The following ARMH4 variants were observed in gnomAD, a reference collection of about 807,000 sequenced individuals.
ARMH4 encodes the protein armadillo like helical domain containing 4.
A neutral mutation model predicts 61.9 loss-of-function variants in ARMH4; 49 were observed. That is an observed-to-expected ratio of 0.79 (90% CI 0.63 to 1.00). The LOEUF is 1.00. Among genes scored for constraint, ARMH4 ranks in the 50% least tolerant of loss-of-function variants. The pLI is 0.00. For synonymous variants in ARMH4, 368 were observed against 341.5 expected (o/e 1.08, Z -0.85); for missense variants, 934 against 930.0 (o/e 1.00, Z -0.06).
intron 1 of ARMH4, among the ~76,000 whole-genome samples, chr14:58,144,760 C>T (rs1196864977): frequency 6.6e-6 from 1 of 151,830 alleles, no homozygotes; most frequent in African/African-American, 2.4e-5. Flanking sequence ...CCCAGCTACT[C>T]GGGAGGCTGA....
chr14:58,078,305 C>T (rs1431137109), intron 5 of ARMH4, among the ~76,000 whole-genome samples: 1 of 152,214 alleles, frequency 6.6e-6, no homozygotes, highest in Non-Finnish European at 1.5e-5. Context: ...ATATCCCACA[C>T]ATGCCAAGAC....
intron 5 of ARMH4, among the ~76,000 whole-genome samples, chr14:58,026,201 G>A (rs900316492): frequency 2.0e-5 from 3 of 152,010 alleles, no homozygotes; most frequent in African/African-American, 4.8e-5. Flanking sequence ...ACACATAAAT[G>A]AGGAAGAAAG....
chr14:58,123,982 T>C (rs1213974546), intron 4 of ARMH4, among the ~76,000 whole-genome samples: 3 of 152,164 alleles, frequency 2.0e-5, no homozygotes, highest in African/African-American at 7.2e-5. Flanking sequence ...TACTTAGGGC[T>C]AAAATTATCC....
intron 5 of ARMH4, among the ~76,000 whole-genome samples, chr14:58,015,274 G>C (rs903216551): frequency 3.3e-5 from 5 of 152,218 alleles, no homozygotes; most frequent in African/African-American, 1.2e-4. Context: ...GAAGGAGCAT[G>C]TTCCATTGAT....
intron 5 of ARMH4, among the ~76,000 whole-genome samples, chr14:58,083,147 T>C (rs1885280321): frequency 6.6e-6 from 1 of 152,118 alleles, no homozygotes; most frequent in African/African-American, 2.4e-5. Context: ...GACTTTAGAG[T>C]TGTTTGTTAT....
At chr14:58,118,872 T>C (rs537598964) in intron 4 of ARMH4, among the ~76,000 whole-genome samples, 7 of 152,314 alleles carry the variant, frequency 4.6e-5, no homozygotes, top group Non-Finnish European at 1.0e-4. Context: ...AGAGTTTTAA[T>C]AGGAAACAGG....
intron 5 of ARMH4, among the ~76,000 whole-genome samples, chr14:58,021,679 G>A (rs954160883): frequency 3.3e-5 from 5 of 152,100 alleles, no homozygotes; most frequent in African/African-American, 1.2e-4. Flanking sequence ...TCATAATCCT[G>A]GTTCCCCAAC....
intron 4 of ARMH4, among the ~76,000 whole-genome samples, chr14:58,121,421 A>T (rs1013134147): frequency 6.6e-6 from 1 of 152,264 alleles, no homozygotes; most frequent in South Asian, 2.1e-4. Context: ...AATTGCAATT[A>T]TACCAATAAA....
At chr14:58,080,727 GAC>G (rs1321271057) in intron 5 of ARMH4, among the ~76,000 whole-genome samples, 2 of 152,046 alleles carry the variant, frequency 1.3e-5, no homozygotes, top group African/African-American at 4.8e-5. Flanking sequence ...TATATTGTGT[GAC>G]AGTGAGGTTG....
chr14:58,116,168 A>C (rs1031481434), intron 4 of ARMH4: 3 of 153,082 alleles, frequency 2.0e-5, no homozygotes, highest in Non-Finnish European at 4.4e-5. Flanking sequence ...TTATTAATCT[A>C]TAAAAATTTC....
chr14:58,008,803 T>C lies in ARMH4; in HGVS notation c.2121+3316A>G, dbSNP rs572719283. Among the ~76,000 whole-genome samples the C allele has an allele frequency of 3.3e-5, 5 of 152,314 alleles. No individual in the cohort carries two copies. In the South Asian group the frequency reaches 1.0e-3, roughly 32 times the overall value. ...TGATGCTGCTAGTCCAGACCATACA[T>C]TGAGAATCGCTGCTATGAAGTATAG... is the stretch of plus-strand genomic sequence containing the variant. On this transcript the variant is annotated intron_variant, in intron 6 of 7. Coordinates refer to ENST00000267485, the MANE Select transcript of ARMH4 (RefSeq NM_001001872.4).
At chr14:58,045,917 C>T (rs1288681752) in intron 5 of ARMH4, among the ~76,000 whole-genome samples, 1 of 152,048 alleles carries the variant, frequency 6.6e-6, no homozygotes, top group African/African-American at 2.4e-5. Context: ...GAGCAATCTA[C>T]AAGTCAAGAA....
intron 5 of ARMH4, among the ~76,000 whole-genome samples, chr14:58,086,117 A>G (rs1212150298): frequency 6.6e-6 from 1 of 152,114 alleles, no homozygotes; most frequent in Non-Finnish European, 1.5e-5. Flanking sequence ...AAGCCACCTA[A>G]TTAACTATTT....
Position 58,073,944 on chromosome 14 carries a change from C to A in ARMH4, c.2089+22780G>T, listed in dbSNP as rs1370689260. ...GATGTGTGCTAAAACATGTAGTAAA[C>A]TACAAAAAGGCCATACAAATTTAAC... is the stretch of plus-strand genomic sequence containing the variant. On this transcript the variant is annotated intron_variant, in intron 5 of 7. Transcript: ENST00000267485. Among the ~76,000 whole-genome samples, 2 of 152,098 alleles carry A rather than the reference C, an allele frequency of 1.3e-5. 1 individual carries two copies. Among genetic ancestry groups the A allele is most frequent in the African/African-American group, 4.8e-5 (2 of 41,366 alleles).
At chr14:58,109,082 C>T (rs955977180) in intron 4 of ARMH4, among the ~76,000 whole-genome samples, 2 of 152,128 alleles carry the variant, frequency 1.3e-5, no homozygotes, top group African/African-American at 2.4e-5. Context: ...ATATGGATTA[C>T]AAATATTTTT....
rs934261665 is a variant in ARMH4, at chr14:58,080,974, C to T, written c.2089+15750G>A. Among the ~76,000 whole-genome samples, 90 of 151,966 alleles carry T rather than the reference C, an allele frequency of 5.9e-4. 1 individual carries two copies. The highest frequency in any genetic ancestry group is 1.9e-3 in the African/African-American group (80 of 41,448). On this transcript the variant is annotated intron_variant, in intron 5 of 7. Transcript: ENST00000267485. ...AAAATTAGCCAGGTGTGGTGGTGCA[C>T]ACCTGTAATCCCAGCTATTTGGGAG...
intron 5 of ARMH4, among the ~76,000 whole-genome samples, chr14:58,012,484 T>C (rs1411976652): frequency 6.6e-6 from 1 of 152,212 alleles, no homozygotes; most frequent in Non-Finnish European, 1.5e-5. Flanking sequence ...CTGACACTTT[T>C]TCTTTGGCTT....
intron 5 of ARMH4, among the ~76,000 whole-genome samples, chr14:58,030,017 C>G (rs140571313): frequency 1.3e-5 from 2 of 152,216 alleles, no homozygotes; most frequent in East Asian, 3.9e-4. Flanking sequence ...TATTATTCAG[C>G]CCTAAAAAGA....
At chr14:58,090,932 T>C (rs1384893066) in intron 5 of ARMH4, among the ~76,000 whole-genome samples, 2 of 145,154 alleles carry the variant, frequency 1.4e-5, no homozygotes, top group East Asian at 2.1e-4. Context: ...AGAAGCACAG[T>C]GGGCCAGGCA....
Sources: allele counts gnomAD v4.1 joint callset (sites outside exome capture counted in the v4.1 genomes callset), GRCh38; gene constraint gnomAD v4.1.1; transcripts MANE v1.5; gene names NCBI Gene and HGNC (gene_info 2026-07-23, HGNC 2026-07-21).